ASPM: variants seen among roughly 807,000 people sequenced by gnomAD.
ASPM encodes assembly factor for spindle microtubules.
A neutral mutation model predicts 366.4 loss-of-function variants in ASPM; 256 were observed. The ratio of observed to expected loss-of-function variants is 0.70; its 90% CI spans 0.63 to 0.77. ASPM has a LOEUF of 0.77. Among genes scored for constraint, ASPM ranks in the 30% least tolerant of loss-of-function variants. The probability of loss-of-function intolerance (pLI) is 0.00; values close to 1 mark genes in which losing one functional copy is unlikely to be tolerated. For synonymous variants in ASPM, 1,414 were observed against 1,342.9 expected, an observed-to-expected ratio of 1.05 and a Z score of -1.16; for missense variants, 4,146 against 4,090.4, an observed-to-expected ratio of 1.01 and a Z score of -0.37.
intron 17 of ASPM, among the ~76,000 whole-genome samples, chr1:197,114,942 T>C (rs928327838): frequency 6.6e-6 from 1 of 152,138 alleles, no homozygotes; most frequent in African/African-American, 2.4e-5. Flanking sequence ...GGAGACAGTG[T>C]TTCTCCACGT....
intron 16 of ASPM, among the ~76,000 whole-genome samples, chr1:197,121,025 C>A (rs146885855): frequency 2.4e-4 from 36 of 152,222 alleles, no homozygotes; most frequent in African/African-American, 8.7e-4. Context: ...CTACCAAGAA[C>A]TTTATCACAG....
intron 16 of ASPM, among the ~76,000 whole-genome samples, chr1:197,121,149 C>T (rs1243725620): frequency 2.6e-5 from 4 of 151,168 alleles, no homozygotes; most frequent in Admixed American, 2.6e-4. Context: ...TTTTGGTTTT[C>T]CAAATAAATA....
In ASPM at chr1:197,139,838, G is replaced by A. The variant is rs765373416; in HGVS notation, c.1955C>T (p.Thr652Ile). 1.2e-6 allele frequency: 2 copies of A among 1,611,126 alleles called. No homozygotes were observed. Among genetic ancestry groups the A allele is most frequent in the Non-Finnish European group, 1.7e-6 (2 of 1,177,448 alleles). ...GATAATGGGTTTTGTCCTTTTGTTTGTTTTAGAAATTGGAGTTCTGAATAT... is the reference window on the plus strand; with the variant it reads ...GATAATGGGTTTTGTCCTTTTGTTTATTTTAGAAATTGGAGTTCTGAATAT... ...LSIFRTPISK[T>I]NKRTKPIIAV... is the part of the protein sequence containing the mutation. The change falls in exon 4 of 28, where the codon ACA (threonine) becomes ATA (isoleucine). Residue 652 changes from threonine (T) to isoleucine (I), a missense_variant. This residue lies in a region of ASPM where 3,624 missense variants were observed against 3,591.7 expected (regional missense o/e 1.01). Transcript: ENST00000367409.
At position 197,145,845 on chromosome 1, in the gene ASPM, A is replaced by AATATATATATATATATAT. The variant is rs71131744; in HGVS notation, c.297+278_297+295dup. Among the ~76,000 whole-genome samples, 374 of 147,638 alleles carry AATATATATATATATATAT rather than the reference A, an allele frequency of 2.5e-3. 1 individual carries two copies. The highest frequency in any genetic ancestry group is 8.3e-3 in the African/African-American group (327 of 39,202). ...CGTCTATCCTAGCCTTCAATTAGAG[A>AATATATATATATATATAT]ATATATATATATATATATATATAAT... is the stretch of plus-strand genomic sequence containing the variant. On this transcript the variant is annotated intron_variant, in intron 1 of 27. Coordinates refer to ENST00000367409, the MANE Select transcript of ASPM (RefSeq NM_018136.5).
Position 197,105,064 on chromosome 1 carries a change from GC to G in ASPM, c.4186del (p.Ala1396LeufsTer13). On this transcript the variant is annotated frameshift_variant, in exon 18 of 28. Transcript: ENST00000367409. LOFTEE classifies it high-confidence loss of function. ...CCAATGCCTCTGAATTGTAACTGTAGCCCAAAGATATCGTTTATAAGATGTA... is the reference window on the plus strand; with the variant it reads ...CCAATGCCTCTGAATTGTAACTGTAGCCAAAGATATCGTTTATAAGATGTA... ...AVTSYKRYLWATVTIQRHWRA... is the reference protein window; with the variant it reads ...AVTSYKRYLWXTVTIQRHWRA... 6.2e-7 allele frequency: 1 copy of G among 1,609,836 alleles called. No individual in the cohort carries two copies. Among genetic ancestry groups the G allele is most frequent in the South Asian group, 1.1e-5 (1 of 90,706 alleles).
At chr1:197,120,615 T>A (rs963776916) in intron 16 of ASPM, among the ~76,000 whole-genome samples, 5 of 152,122 alleles carry the variant, frequency 3.3e-5, no homozygotes, top group Non-Finnish European at 5.9e-5. Context: ...CTCTTGTAAT[T>A]CTAAAACTCT....
chr1:197,146,217 A>G lies in ASPM; in HGVS notation c.221T>C (p.Val74Ala), dbSNP rs1557967531. 6.2e-7 allele frequency: 1 copy of G among 1,613,858 alleles called. No individual in the cohort carries two copies. The highest frequency in any genetic ancestry group is 8.5e-7 in the Non-Finnish European group (1 of 1,179,968). ...SLALDNPNEEVAEVKISHFPA... is the reference protein window; with the variant it reads ...SLALDNPNEEAAEVKISHFPA... Reference sequence around the variant, plus strand: ...GAAGTGGGAGATCTTCACTTCTGCCACCTCCTCGTTAGGGTTGTCTAGGGC... The same window carrying G: ...GAAGTGGGAGATCTTCACTTCTGCCGCCTCCTCGTTAGGGTTGTCTAGGGC... The change falls in exon 1 of 28, where the codon GTG (valine) becomes GCG (alanine). Residue 74 changes from valine (V) to alanine (A), a missense_variant. Coordinates refer to ENST00000367409, the MANE Select transcript of ASPM (RefSeq NM_018136.5).
At position 197,102,122 on chromosome 1, in the gene ASPM, G is replaced by A. The variant is rs2125094570; in HGVS notation, c.7129C>T (p.Gln2377Ter). 1 of 1,612,928 alleles carries A rather than the reference G, an allele frequency of 6.2e-7. No homozygotes were observed. Among genetic ancestry groups the A allele is most frequent in the Non-Finnish European group, 8.5e-7 (1 of 1,179,292 alleles). Residue 2377 changes from glutamine to a stop codon, truncating the protein, a stop_gained, in exon 18 of 28, where the codon CAG becomes TAG. Coordinates refer to ENST00000367409, the MANE Select transcript of ASPM (RefSeq NM_018136.5). LOFTEE classifies it high-confidence loss of function. The stretch of plus-strand genomic sequence containing the variant: ...CTTTGTCTGAGATAATGCTGCCTCT[G>A]CAGTTTTGCAGCTCTATTTGCTTGG... ...QYQANRAAKL[Q>*]RQHYLRQRHS...
chr1:197,085,137 G>C (rs1413429889), intron 27 of ASPM, among the ~76,000 whole-genome samples: 1 of 152,044 alleles, frequency 6.6e-6, no homozygotes, highest in Non-Finnish European at 1.5e-5. Flanking sequence ...TACCAAACTA[G>C]TCTGAAGAAT....
intron 18 of ASPM, among the ~76,000 whole-genome samples, chr1:197,100,116 C>A (rs558844080): frequency 6.6e-6 from 1 of 151,756 alleles, no homozygotes; most frequent in South Asian, 2.1e-4. Context: ...TTATATTTTC[C>A]ACTTAAAGAA....
rs200578490 is a variant in ASPM at position 197,101,942 on chromosome 1, C to G, written c.7309G>C (p.Val2437Leu). The change falls in exon 18 of 28, where the codon GTT (valine) becomes CTT (leucine). Residue 2437 changes from valine to leucine, a missense_variant. This residue lies in a region of ASPM where 3,624 missense variants were observed against 3,591.7 expected (regional missense o/e 1.01). Coordinates refer to ENST00000367409, the MANE Select transcript of ASPM (RefSeq NM_018136.5). The stretch of plus-strand genomic sequence containing the variant: ...ATGGTGGCTCGATATTTCCTCTGAA[C>G]AAAAATAGTAGCTTTTTTGAGGGAA... The part of the protein sequence containing the change: ...FISLKKATIF[V>L]QRKYRATICA... The G allele has an allele frequency of 1.2e-6, 2 of 1,612,646 alleles. No homozygotes were observed. The highest frequency in any genetic ancestry group is 1.7e-6 in the Non-Finnish European group (2 of 1,179,258).
At chr1:197,100,268 G>A (rs1464097729) in intron 18 of ASPM, among the ~76,000 whole-genome samples, 163 bp downstream of exon 18, 1 of 151,644 alleles carries the variant, frequency 6.6e-6, no homozygotes, top group Non-Finnish European at 1.5e-5. Flanking sequence ...TGACTTACTA[G>A]TGCCCTTTCC....
At chr1:197,135,524 T>C (rs949324983) in intron 4 of ASPM, among the ~76,000 whole-genome samples, 19 of 152,104 alleles carry the variant, frequency 1.2e-4, no homozygotes, top group African/African-American at 4.1e-4. Context: ...TGATGCATAA[T>C]AGATGTACAC....
chr1:197,112,171 T>C (rs1232023711), intron 17 of ASPM, among the ~76,000 whole-genome samples: 1 of 152,138 alleles, frequency 6.6e-6, no homozygotes, highest in Non-Finnish European at 1.5e-5. Flanking sequence ...TGGAATACAA[T>C]GCAGCCACAA....
chr1:197,109,947 G>A (rs571832455), intron 17 of ASPM, among the ~76,000 whole-genome samples: 1 of 152,188 alleles, frequency 6.6e-6, no homozygotes, highest in Admixed American at 6.5e-5. Flanking sequence ...AATAAATGGA[G>A]ATATGTATCA....
At position 197,122,439 on chromosome 1, in the gene ASPM, A is replaced by G. The variant is rs1085307705; in HGVS notation, c.3547T>C (p.Ser1183Pro). ...QTGSVVLNSSSESDDSSLDMS... is the reference protein window; with the variant it reads ...QTGSVVLNSSPESDDSSLDMS... ...TCCAGAGAACTGTCATCAGATTCAG[A>G]TGATGAATTTAATACCACTGAACCA... The change falls in exon 14 of 28, where the codon TCT becomes CCT. Residue 1183 changes from serine (S) to proline (P), a missense_variant. By Grantham distance (74) the Ser-to-Pro change is moderately conservative (BLOSUM62 -1). Around this residue, in one of 3 missense-constraint regions of ASPM, gnomAD observed 3,624 missense variants for 3,591.7 expected, o/e 1.01. Transcript: ENST00000367409. 6.2e-7 allele frequency: 1 copy of G among 1,613,908 alleles called. No individual in the cohort carries two copies. Among genetic ancestry groups the G allele is most frequent in the Non-Finnish European group, 8.5e-7 (1 of 1,179,820 alleles).
Position 197,086,987 on chromosome 1 carries a change from GCA to G in ASPM, c.10162-17_10162-16del, listed in dbSNP as rs779836286. The G allele has an allele frequency of 5.6e-6, 9 of 1,598,548 alleles. No homozygotes were observed. Among genetic ancestry groups the G allele is most frequent in the South Asian group, 3.3e-5 (3 of 90,332 alleles). ...CTTCGTACATCCTACAAAATAAAAT[GCA>G]CAGTTACTAAAAAGTAATAAGAATT... On this transcript the variant is annotated splice_polypyrimidine_tract_variant and intron_variant, in intron 26 of 27. Coordinates refer to ENST00000367409, the MANE Select transcript of ASPM (RefSeq NM_018136.5).
intron 19 of ASPM, 150 bp downstream of exon 19, chr1:197,095,848 T>C: frequency 1.4e-6 from 1 of 733,444 alleles, no homozygotes; most frequent in Non-Finnish European, 2.1e-6. Flanking sequence ...TTTTGTTTCC[T>C]TAATAAAGAA....
Position 197,121,906 on chromosome 1 carries a change from T to C in ASPM, c.3870+9A>G, listed in dbSNP as rs1305388898. The C allele has an allele frequency of 6.2e-7, 1 of 1,602,682 alleles. No homozygotes were observed. The highest frequency in any genetic ancestry group is 1.3e-5 in the African/African-American group (1 of 74,622). The stretch of plus-strand genomic sequence containing the variant: ...TTCACACTATAGTAGTTTCATATTC[T>C]AGGAGTACCTGATGGCGTTTGAGAT... On this transcript the variant is annotated intron_variant, in intron 16 of 27. Coordinates refer to ENST00000367409, the MANE Select transcript of ASPM (RefSeq NM_018136.5).
Sources: gnomAD v4.1 joint callset for allele counts (sites outside exome capture counted in the v4.1 genomes callset) on GRCh38, gnomAD v4.1.1 for gene constraint, gnomAD v4.1.1 regional missense constraint, MANE v1.5 for transcripts, NCBI Gene and HGNC (gene_info 2026-07-23, HGNC 2026-07-21) for gene names.